ANKRD55: variants seen among roughly 807,000 people sequenced by gnomAD.
ANKRD55 encodes the protein ankyrin repeat domain-containing protein 55.
ANKRD55 carries 41 observed loss-of-function variants against 60.6 expected under a neutral mutation model. That is an observed-to-expected ratio of 0.68 (90% CI 0.53 to 0.88). The LOEUF (loss-of-function observed/expected upper bound fraction) is 0.88. Among genes scored for constraint, ANKRD55 ranks in the 40% least tolerant of loss-of-function variants. ANKRD55 has a pLI of 0.00. For missense variants in ANKRD55, 732 were observed against 767.6 expected (o/e 0.95, Z 0.55); for synonymous variants, 264 against 290.3 (o/e 0.91, Z 0.92).
chr5:56,130,906 G>A lies in ANKRD55; in HGVS notation c.613-3800C>T, dbSNP rs550432417. Among the ~76,000 whole-genome samples, 19 of 152,206 alleles carry A rather than the reference G, an allele frequency of 1.2e-4. No homozygotes were observed. In the South Asian group the frequency reaches 3.9e-3, roughly 32 times the overall value. Reference sequence around the variant, plus strand: ...CTGAGGGAAGAGTCTCTGCGCTTGAGAAGATCTCAATGTAAACCTCCAAAA... The same window carrying A: ...CTGAGGGAAGAGTCTCTGCGCTTGAAAAGATCTCAATGTAAACCTCCAAAA... On this transcript the variant is annotated intron_variant, in intron 7 of 11. Transcript: ENST00000341048.
intron 5 of ANKRD55, among the ~76,000 whole-genome samples, chr5:56,164,606 T>C (rs970793311): frequency 6.6e-6 from 1 of 152,096 alleles, no homozygotes; most frequent in Non-Finnish European, 1.5e-5. Context: ...TCAGAGAAAA[T>C]TGCTGCTTGC....
At chr5:56,128,294 A>C (rs1757328109) in intron 7 of ANKRD55, among the ~76,000 whole-genome samples, 1 of 152,224 alleles carries the variant, frequency 6.6e-6, no homozygotes, top group South Asian at 2.1e-4. Flanking sequence ...GTAGAAGAAG[A>C]AGCATTAAGT....
chr5:56,101,475 A>G (rs928380205), intron 11 of ANKRD55, among the ~76,000 whole-genome samples: 4 of 152,074 alleles, frequency 2.6e-5, no homozygotes, highest in African/African-American at 9.7e-5. Context: ...TCCAGTAAGT[A>G]TTGCTTATTT....
chr5:56,190,310 A>G (rs943681443), intron 2 of ANKRD55, among the ~76,000 whole-genome samples: 2 of 152,174 alleles, frequency 1.3e-5, no homozygotes, highest in Non-Finnish European at 2.9e-5. Flanking sequence ...TCCTTTGATG[A>G]CAAAGCTTTT....
intron 6 of ANKRD55, among the ~76,000 whole-genome samples, chr5:56,149,259 C>A (rs1757979423): frequency 6.6e-6 from 1 of 152,034 alleles, no homozygotes; most frequent in Admixed American, 6.6e-5. Flanking sequence ...TAACTGAAGG[C>A]CAAGAATACT....
chr5:56,127,110 G>A lies in ANKRD55; in HGVS notation c.613-4C>T, dbSNP rs541461564. 7.1e-5 allele frequency: 114 copies of A among 1,595,140 alleles called. No homozygotes were observed. Among genetic ancestry groups the A allele is most frequent in the Non-Finnish European group, 9.2e-5 (108 of 1,168,974 alleles). ...AGCACAGAATCCTATTTCCACTCTG[G>A]AAAAGAGAGTCAAAGAAAGCCCATT... On this transcript the variant is annotated splice_region_variant and splice_polypyrimidine_tract_variant and intron_variant, in intron 7 of 11. Transcript: ENST00000341048.
chr5:56,143,723 G>T (rs564364948), intron 7 of ANKRD55, 78 bp downstream of exon 7: 1 of 1,587,116 alleles, frequency 6.3e-7, no homozygotes, highest in African/African-American at 1.3e-5. Context: ...CATCTTTAAA[G>T]TTTGACCTAC....
intron 2 of ANKRD55, among the ~76,000 whole-genome samples, chr5:56,201,434 C>T (rs1273558112): frequency 2.0e-5 from 3 of 152,188 alleles, no homozygotes; most frequent in African/African-American, 7.2e-5. Flanking sequence ...CAAAATTAGT[C>T]TCATGTGACT....
chr5:56,147,774 T>C (rs1412834731), intron 6 of ANKRD55, among the ~76,000 whole-genome samples: 1 of 152,186 alleles, frequency 6.6e-6, no homozygotes, highest in Non-Finnish European at 1.5e-5. Flanking sequence ...TAAATCCTCT[T>C]AGAGTTAATA....
chr5:56,193,534 G>T, intron 2 of ANKRD55: 1 of 428,746 alleles, frequency 2.3e-6, no homozygotes, highest in South Asian at 2.7e-5. Context: ...TCATCCATAT[G>T]GTTATTTATA....
chr5:56,220,196 C>G (rs1307796895), intron 2 of ANKRD55, among the ~76,000 whole-genome samples: 1 of 152,262 alleles, frequency 6.6e-6, no homozygotes, highest in Non-Finnish European at 1.5e-5. Flanking sequence ...GGCCCCCTCC[C>G]CCAGGACAGT....
chr5:56,227,051 C>A (rs1760131704), intron 2 of ANKRD55, among the ~76,000 whole-genome samples: 1 of 152,000 alleles, frequency 6.6e-6, no homozygotes, highest in African/African-American at 2.4e-5. Context: ...ATGTTTATTG[C>A]AGCACTATTC....
intron 2 of ANKRD55, among the ~76,000 whole-genome samples, chr5:56,210,718 G>A (rs2111873295): frequency 6.6e-6 from 1 of 152,142 alleles, no homozygotes; most frequent in Middle Eastern, 3.4e-3. Flanking sequence ...CATTTATATA[G>A]TCAAAATCTA....
intron 6 of ANKRD55, among the ~76,000 whole-genome samples, chr5:56,152,986 A>G (rs1228508837): frequency 6.6e-6 from 1 of 152,174 alleles, no homozygotes; most frequent in East Asian, 1.9e-4. Flanking sequence ...AAAAGGTACT[A>G]TGAACTATTT....
At chr5:56,150,223 C>G (rs748539137) in intron 6 of ANKRD55, among the ~76,000 whole-genome samples, 6 of 152,106 alleles carry the variant, frequency 3.9e-5, no homozygotes, top group Non-Finnish European at 7.4e-5. Context: ...TAAACAGTAC[C>G]TGTGACTTTG....
chr5:56,166,201 C>CCTTCCT (rs759875553), intron 5 of ANKRD55, among the ~76,000 whole-genome samples: 1,535 of 117,282 alleles, frequency 0.013, 83 homozygotes, highest in African/African-American at 0.021. Flanking sequence ...TTCCTTCCTT[C>CCTTCCT]TCTCTCTCTC....
chr5:56,214,098 C>A (rs1252845143), intron 2 of ANKRD55, among the ~76,000 whole-genome samples: 1 of 152,220 alleles, frequency 6.6e-6, no homozygotes, highest in Non-Finnish European at 1.5e-5. Flanking sequence ...TCTTGTGAGT[C>A]TTATTCACTA....
chr5:56,183,616 A>T lies in ANKRD55; in HGVS notation c.77T>A (p.Val26Asp), dbSNP rs146577911. 2.5e-6 allele frequency: 4 copies of T among 1,614,068 alleles called. No homozygotes were observed. In the Admixed American group the frequency reaches 6.7e-5, roughly 27 times the overall value. ...TGCTTGATAAACCATGGTCAGGTCAACTTCCTCAGATGAGTCACCTTCATG... is the reference window on the plus strand; with the variant it reads ...TGCTTGATAAACCATGGTCAGGTCATCTTCCTCAGATGAGTCACCTTCATG... ...DQQRGDSSEEVDLTMVYQAAS... is the reference protein window; with the variant it reads ...DQQRGDSSEEDDLTMVYQAAS... Residue 26 changes from valine to aspartate, a missense_variant, in exon 3 of 12, where the codon GTT (valine) becomes GAT (aspartate). Coordinates refer to ENST00000341048, the MANE Select transcript of ANKRD55 (RefSeq NM_024669.3).
Position 56,183,571 on chromosome 5 carries a change from T to A in ANKRD55, c.122A>T (p.Asn41Ile), listed in dbSNP as rs2111832212. The change falls in exon 3 of 12, where the codon AAT (asparagine) becomes ATT (isoleucine). Residue 41 changes from asparagine (N) to isoleucine (I), a missense_variant. Physicochemically the swap from Asn to Ile is moderately radical, Grantham distance 149. Coordinates refer to ENST00000341048, the MANE Select transcript of ANKRD55 (RefSeq NM_024669.3). ...VYQAASNGDVNALTAVIREDP... is the reference protein window; with the variant it reads ...VYQAASNGDVIALTAVIREDP... ...TTCCCGAATCACTGCAGTCAGAGCATTGACATCTCCATTAGAGGCTGCTTG... is the reference window on the plus strand; with the variant it reads ...TTCCCGAATCACTGCAGTCAGAGCAATGACATCTCCATTAGAGGCTGCTTG... The A allele has an allele frequency of 6.2e-7, 1 of 1,614,212 alleles. No individual in the cohort carries two copies. Among genetic ancestry groups the A allele is most frequent in the South Asian group, 1.1e-5 (1 of 91,080 alleles).
Sources: allele counts gnomAD v4.1 joint callset (sites outside exome capture counted in the v4.1 genomes callset), GRCh38; gene constraint gnomAD v4.1.1; transcripts MANE v1.5; gene names NCBI Gene and HGNC (gene_info 2026-07-23, HGNC 2026-07-21).